Variants in FRMD4A observed in about 807,000 individuals in gnomAD.
FRMD4A encodes the protein FERM domain containing 4A.
FRMD4A carries 29 observed loss-of-function variants against 129.1 expected under a neutral mutation model. The ratio of observed to expected loss-of-function variants is 0.22; its 90% CI spans 0.17 to 0.31. The LOEUF is 0.31. Among genes scored for constraint, FRMD4A ranks in the 10% least tolerant of loss-of-function variants. The pLI is 1.00. For synonymous variants in FRMD4A, 634 were observed against 571.6 expected (o/e 1.11, Z -1.56); for missense variants, 1,272 against 1,375.8 (o/e 0.92, Z 1.19).
chr10:13,699,954 C>A (rs1206925042), intron 14 of FRMD4A, among the ~76,000 whole-genome samples: 4 of 152,140 alleles, frequency 2.6e-5, no homozygotes, highest in African/African-American at 7.2e-5. Context: ...CTCTGTCCTG[C>A]GCTCATTCAT....
At chr10:13,728,818 C>T (rs1174782822) in intron 12 of FRMD4A, among the ~76,000 whole-genome samples, 4 of 151,920 alleles carry the variant, frequency 2.6e-5, no homozygotes, top group African/African-American at 9.7e-5. Context: ...GTGATCCGCC[C>T]GTCTCAGCCT....
At chr10:14,153,920 G>A (rs375588970) in intron 2 of FRMD4A, among the ~76,000 whole-genome samples, 2 of 152,148 alleles carry the variant, frequency 1.3e-5, no homozygotes, top group South Asian at 4.1e-4. Context: ...CTCACTCCTG[G>A]CAGATGGCTC....
At chr10:13,814,593 AAAAAAAAAAAAAAAG>A (rs949616874) in intron 3 of FRMD4A, among the ~76,000 whole-genome samples, 14 of 145,178 alleles carry the variant, frequency 9.6e-5, no homozygotes, top group East Asian at 1.9e-4. Flanking sequence ...AAAAAAAAAA[AAAAAAAAAAAAAAAG>A]AAAGAAAGGG....
intron 2 of FRMD4A, among the ~76,000 whole-genome samples, chr10:14,328,352 C>CT (rs1843361960): frequency 1.3e-5 from 1 of 78,868 alleles, no homozygotes; most frequent in Non-Finnish European, 2.3e-5. Context: ...CCAGAAGAGC[C>CT]TGTGTGTGTG....
chr10:14,239,546 G>A (rs558665795), intron 2 of FRMD4A, among the ~76,000 whole-genome samples: 61 of 152,248 alleles, frequency 4.0e-4, no homozygotes, highest in South Asian at 1.9e-3. Flanking sequence ...AGACTAGGTT[G>A]AACCCGGGAG....
At chr10:13,765,150 TGTC>T (rs1349374120) in intron 6 of FRMD4A, among the ~76,000 whole-genome samples, 10 of 149,212 alleles carry the variant, frequency 6.7e-5, no homozygotes, top group African/African-American at 2.2e-4. Flanking sequence ...GTCTCACTGT[TGTC>T]GTCCAGGCTG....
intron 4 of FRMD4A, among the ~76,000 whole-genome samples, chr10:13,808,619 C>A (rs919075995): frequency 6.6e-6 from 1 of 152,252 alleles, no homozygotes; most frequent in African/African-American, 2.4e-5. Context: ...GCCCTTGAGT[C>A]ACGGCCTCAC....
At chr10:13,761,175 T>C (rs1186918290) in intron 8 of FRMD4A, among the ~76,000 whole-genome samples, 2 of 152,188 alleles carry the variant, frequency 1.3e-5, no homozygotes, top group Non-Finnish European at 2.9e-5. Flanking sequence ...AAAGCAGAGG[T>C]GGGGTATTTT....
At chr10:13,926,910 G>T (rs947881455) in intron 2 of FRMD4A, among the ~76,000 whole-genome samples, 3 of 152,130 alleles carry the variant, frequency 2.0e-5, no homozygotes, top group Admixed American at 1.3e-4. Flanking sequence ...AAGGTAACAT[G>T]GTCAAGTTCT....
intron 2 of FRMD4A, among the ~76,000 whole-genome samples, chr10:14,030,583 T>C (rs569117557): frequency 4.8e-4 from 73 of 152,352 alleles, no homozygotes; most frequent in African/African-American, 1.7e-3. Context: ...ACAAGCCCTT[T>C]TGATGGCCAT....
intron 2 of FRMD4A, among the ~76,000 whole-genome samples, chr10:14,063,178 C>CTT (rs60255943): frequency 0.016 from 2,448 of 149,576 alleles, 26 homozygotes; most frequent in Middle Eastern, 0.025. Context: ...AATAAATCTG[C>CTT]TTTTTTTTTT....
At chr10:13,782,844 G>A in intron 6 of FRMD4A, 78 bp downstream of exon 6, 1 of 783,260 alleles carries the variant, frequency 1.3e-6, no homozygotes, top group Non-Finnish European at 2.4e-6. Flanking sequence ...ATGGCCTAAG[G>A]GGTAACACTT....
chr10:13,971,989 A>C (rs1419948959), intron 2 of FRMD4A: 1 of 1,182,778 alleles, frequency 8.5e-7, no homozygotes, highest in African/African-American at 1.6e-5. Flanking sequence ...ACTAATCCTC[A>C]GAGACTGCTT....
At chr10:13,971,593 C>T (rs1565139317) in intron 2 of FRMD4A, 1 of 978,558 alleles carries the variant, frequency 1.0e-6, no homozygotes, top group East Asian at 6.1e-5. Context: ...ATGCCCCCTT[C>T]TCCACCATTC....
At chr10:14,299,955 G>A (rs1043713797) in intron 2 of FRMD4A, among the ~76,000 whole-genome samples, 2 of 152,012 alleles carry the variant, frequency 1.3e-5, no homozygotes, top group African/African-American at 4.8e-5. Flanking sequence ...AGCAGAGCTG[G>A]GAAGAAGACA....
At chr10:14,025,193 AG>A (rs1363137357) in intron 2 of FRMD4A, among the ~76,000 whole-genome samples, 1 of 152,238 alleles carries the variant, frequency 6.6e-6, no homozygotes, top group Non-Finnish European at 1.5e-5. Flanking sequence ...ATAAACATCA[AG>A]GAAAAAATTT....
At chr10:13,647,562 A>C (rs1488511055) in intron 24 of FRMD4A, 1 of 152,184 alleles carries the variant, frequency 6.6e-6, no homozygotes, top group African/African-American at 2.4e-5. Context: ...AAGAACATTC[A>C]AAATGTGAGT....
At chr10:13,762,306 T>C (rs1276645809) in intron 7 of FRMD4A, among the ~76,000 whole-genome samples, 1 of 152,236 alleles carries the variant, frequency 6.6e-6, no homozygotes, top group East Asian at 1.9e-4. Flanking sequence ...GCTATTCACT[T>C]GGCTTTCTCC....
intron 2 of FRMD4A, among the ~76,000 whole-genome samples, chr10:13,930,813 G>T (rs1290718394): frequency 2.0e-5 from 3 of 152,036 alleles, no homozygotes; most frequent in Non-Finnish European, 4.4e-5. Flanking sequence ...TATTTAGAAA[G>T]ATTTATAAAA....
Sources: allele counts gnomAD v4.1 joint callset (sites outside exome capture counted in the v4.1 genomes callset), GRCh38; gene constraint gnomAD v4.1.1; transcripts MANE v1.5; gene names NCBI Gene and HGNC (gene_info 2026-07-23, HGNC 2026-07-21).